The following MAGED1 variants were observed in gnomAD, a reference collection of about 807,000 sequenced individuals.
MAGED1 encodes MAGE family member D1.
A neutral mutation model predicts 54.1 loss-of-function variants in MAGED1; 3 were observed. The observed-to-expected ratio is 0.06, with a 90% CI of 0.03 to 0.14. MAGED1 has a LOEUF of 0.14. MAGED1 is among the 10% of genes least tolerant of loss of function. The probability of loss-of-function intolerance (pLI) is 1.00; values close to 1 mark genes in which losing one functional copy is unlikely to be tolerated. For synonymous variants in MAGED1, 217 were observed against 227.3 expected, an observed-to-expected ratio of 0.95 and a Z score of 0.41; for missense variants, 485 against 623.4, an observed-to-expected ratio of 0.78 and a Z score of 2.36.
At chrX:51,824,704 CTGTGTGTGTG>C (rs149180361) in intron 1 of MAGED1, among the ~76,000 whole-genome samples, 9 of 90,423 alleles carry the variant, frequency 1.0e-4, no homozygotes, top group South Asian at 1.2e-3. Flanking sequence ...TATATTGTCT[CTGTGTGTGTG>C]TGTGTGTGTG....
intron 1 of MAGED1, among the ~76,000 whole-genome samples, chrX:51,866,802 A>G (rs1201550396): frequency 2.7e-5 from 3 of 111,820 alleles, no homozygotes; most frequent in African/African-American, 9.7e-5. Flanking sequence ...GAAAGGAGGA[A>G]TCTGGGGTAG....
intron 1 of MAGED1, among the ~76,000 whole-genome samples, chrX:51,807,011 A>G (rs1036685396): frequency 4.5e-5 from 5 of 110,133 alleles, no homozygotes; most frequent in African/African-American, 1.3e-4. Context: ...CTGGTCTCGA[A>G]CTCCTGACCT....
At chrX:51,862,870 G>A (rs1557360791) in intron 1 of MAGED1, among the ~76,000 whole-genome samples, 3 of 111,657 alleles carry the variant, frequency 2.7e-5, no homozygotes. Context: ...TATTCAAGGT[G>A]TATACATATT....
chrX:51,806,358 A>G (rs781991399), intron 1 of MAGED1, among the ~76,000 whole-genome samples: 2 of 111,727 alleles, frequency 1.8e-5, no homozygotes, highest in Non-Finnish European at 3.8e-5. Flanking sequence ...TGTATCCCTT[A>G]TTTGTTACTA....
intron 1 of MAGED1, among the ~76,000 whole-genome samples, chrX:51,880,015 G>A (rs1928003674): frequency 8.9e-6 from 1 of 112,644 alleles, no homozygotes; most frequent in Admixed American, 9.3e-5. Context: ...TTCTGGCTAA[G>A]GCCAGAGAGG....
chrX:51,809,879 A>T (rs1387709575), intron 1 of MAGED1, among the ~76,000 whole-genome samples: 2 of 111,740 alleles, frequency 1.8e-5, no homozygotes, highest in Non-Finnish European at 3.8e-5. Flanking sequence ...AACTGGAATT[A>T]CTTTATAAAG....
chrX:51,893,461 G>C (rs1928532745), upstream of MAGED1: 1 of 113,583 alleles, frequency 8.8e-6, no homozygotes, highest in African/African-American at 3.2e-5. Flanking sequence ...TGTTGGCAAA[G>C]GGGGCGGGAC....
At chrX:51,871,553 G>A (rs1449749396) in intron 1 of MAGED1, among the ~76,000 whole-genome samples, 17 of 110,963 alleles carry the variant, frequency 1.5e-4, no homozygotes, top group Non-Finnish European at 2.5e-4. Context: ...ATAGTTTGCT[G>A]AGAATGATGG....
intron 1 of MAGED1, among the ~76,000 whole-genome samples, chrX:51,812,084 G>A (rs2146949895): frequency 9.1e-6 from 1 of 109,399 alleles, no homozygotes; most frequent in South Asian, 3.9e-4. Flanking sequence ...CATAGAGGAA[G>A]GACCTCTAAC....
chrX:51,891,729 G>A (rs1244105690), upstream of MAGED1, among the ~76,000 whole-genome samples: 3 of 112,099 alleles, frequency 2.7e-5, no homozygotes, highest in East Asian at 2.8e-4. Flanking sequence ...TGAAGGAATC[G>A]GTTTGGGACC....
At chrX:51,868,669 G>A (rs960229874) in intron 1 of MAGED1, among the ~76,000 whole-genome samples, 3 of 111,800 alleles carry the variant, frequency 2.7e-5, no homozygotes, top group Non-Finnish European at 5.6e-5. Context: ...GTGTGAGAAA[G>A]TGGGGAGGGA....
At chrX:51,803,324 ACCT>A (rs782357282) in intron 1 of MAGED1, among the ~76,000 whole-genome samples, 1 of 108,275 alleles carries the variant, frequency 9.2e-6, no homozygotes, top group East Asian at 2.9e-4. Flanking sequence ...CTCCTGCCTC[ACCT>A]CCTCACTCTG....
At chrX:51,883,540 A>AT (rs1928133851) in intron 1 of MAGED1, among the ~76,000 whole-genome samples, 1 of 112,417 alleles carries the variant, frequency 8.9e-6, no homozygotes, top group Non-Finnish European at 1.9e-5. Context: ...TCTTCATAAC[A>AT]TAATATGCAA....
chrX:51,873,063 TA>T (rs1927742140), intron 1 of MAGED1, among the ~76,000 whole-genome samples: 1 of 109,111 alleles, frequency 9.2e-6, no homozygotes, highest in Admixed American at 9.8e-5. Flanking sequence ...AAAAAATAAA[TA>T]AAAAAATAAA....
intron 1 of MAGED1, among the ~76,000 whole-genome samples, chrX:51,877,932 A>G (rs1366913243): frequency 9.0e-6 from 1 of 111,650 alleles, no homozygotes. Flanking sequence ...CTATATATCT[A>G]TTTTAATTGT....
chrX:51,877,542 T>G, intron 1 of MAGED1, among the ~76,000 whole-genome samples: 1 of 111,022 alleles, frequency 9.0e-6, no homozygotes, highest in East Asian at 2.8e-4. Context: ...AAGAAATAAT[T>G]GGAGGTATGC....
intron 1 of MAGED1, among the ~76,000 whole-genome samples, chrX:51,803,721 GTTC>G (rs1162573131): frequency 3.9e-5 from 1 of 25,847 alleles, no homozygotes; most frequent in Non-Finnish European, 6.8e-5. Context: ...TCCAAATGAT[GTTC>G]TTTTTTTTTT....
Position 51,901,287 on chromosome X carries a change from C to T in MAGED1, c.1960-266C>T, listed in dbSNP as rs148603117. ...CTACTCTCTGCTTCTATGAGTTAGA[C>T]GTTTTTAGATTCCATGTATAAGTGA... On this transcript the variant is annotated intron_variant, in intron 11 of 12. Transcript: ENST00000326587. Among the ~76,000 whole-genome samples the T allele has an allele frequency of 3.8e-3, 430 of 112,055 alleles. 1 individual carries two copies. The highest frequency in any genetic ancestry group is 0.014 in the African/African-American group (419 of 30,832).
chrX:51,854,975 T>G (rs1421473389), intron 1 of MAGED1, among the ~76,000 whole-genome samples: 2 of 111,667 alleles, frequency 1.8e-5, no homozygotes, highest in African/African-American at 6.5e-5. Flanking sequence ...ATTTCCCTAC[T>G]CAATTTAATC....
Sources: gnomAD v4.1 joint callset for allele counts (sites outside exome capture counted in the v4.1 genomes callset) on GRCh38, gnomAD v4.1.1 for gene constraint, MANE v1.5 for transcripts, NCBI Gene and HGNC (gene_info 2026-07-23, HGNC 2026-07-21) for gene names.